The following CACNA2D1 variants were observed in gnomAD, a reference collection of about 807,000 sequenced individuals.
CACNA2D1 encodes voltage-dependent calcium channel subunit alpha-2/delta-1.
CACNA2D1 carries 53 observed loss-of-function variants against 171.5 expected under a neutral mutation model. The ratio of observed to expected loss-of-function variants is 0.31; its 90% CI spans 0.25 to 0.39. The LOEUF is 0.39. Ranked by LOEUF, CACNA2D1 falls within the 10% of genes least tolerant of loss-of-function variation. The pLI is 1.00. For missense variants in CACNA2D1, 903 were observed against 1,299.8 expected (o/e 0.69, Z 4.69); for synonymous variants, 442 against 443.1 (o/e 1.00, Z 0.03).
intron 3 of CACNA2D1, among the ~76,000 whole-genome samples, chr7:82,180,563 C>A (rs946166824): frequency 2.0e-5 from 3 of 152,014 alleles, no homozygotes; most frequent in Non-Finnish European, 2.9e-5. Flanking sequence ...TTTGTTGTTA[C>A]GGTTTCTAAT....
At chr7:82,202,215 C>G (rs529444795) in intron 3 of CACNA2D1, among the ~76,000 whole-genome samples, 1 of 152,310 alleles carries the variant, frequency 6.6e-6, no homozygotes, top group African/African-American at 2.4e-5. Flanking sequence ...TGCACCCAGG[C>G]GCGTACCCAT....
chr7:82,124,200 T>C (rs187690741), intron 5 of CACNA2D1, among the ~76,000 whole-genome samples: 6 of 152,142 alleles, frequency 3.9e-5, no homozygotes, highest in African/African-American at 1.2e-4. Flanking sequence ...GAGAATAGGG[T>C]TTAGAGGCAG....
intron 3 of CACNA2D1, among the ~76,000 whole-genome samples, chr7:82,219,535 T>A (rs1187599188): frequency 6.6e-6 from 1 of 152,100 alleles, no homozygotes; most frequent in Non-Finnish European, 1.5e-5. Context: ...TATTTATTTA[T>A]AAACAAAGAA....
chr7:82,357,481 G>A (rs1820559225), intron 1 of CACNA2D1, among the ~76,000 whole-genome samples: 1 of 152,094 alleles, frequency 6.6e-6, no homozygotes, highest in African/African-American at 2.4e-5. Context: ...GCTAAGAATT[G>A]TTATAATAGG....
intron 1 of CACNA2D1, among the ~76,000 whole-genome samples, chr7:82,365,189 T>C (rs1821545069): frequency 6.6e-6 from 1 of 152,170 alleles, no homozygotes; most frequent in Non-Finnish European, 1.5e-5. Context: ...AAAAAGGATG[T>C]GGGGTTTCCC....
At position 81,952,027 on chromosome 7, in the gene CACNA2D1, T is replaced by C. The variant is rs1251222375; in HGVS notation, c.3160-1519A>G. 2.1e-5 allele frequency among the ~76,000 whole-genome samples: 3 copies of C among 146,044 alleles called. No homozygotes were observed. The East Asian group carries it at 6.3e-4, about 31-fold the overall frequency. On this transcript the variant is annotated intron_variant, in intron 38 of 38. Transcript: ENST00000356860. ...ATTATTTTTTTATTATGGCCATTAG[T>C]GCAGGAGTAAGGTGGTATCACATTG...
At chr7:82,197,199 TG>T (rs1798939483) in intron 3 of CACNA2D1, among the ~76,000 whole-genome samples, 1 of 151,954 alleles carries the variant, frequency 6.6e-6, no homozygotes, top group Non-Finnish European at 1.5e-5. Flanking sequence ...TTAGGAACAT[TG>T]TTATTGTGAC....
intron 6 of CACNA2D1, among the ~76,000 whole-genome samples, chr7:82,111,888 A>C (rs2129049249): frequency 6.6e-6 from 1 of 152,226 alleles, no homozygotes; most frequent in African/African-American, 2.4e-5. Flanking sequence ...TTACTTTCTA[A>C]CATATTGTTT....
chr7:82,329,756 T>C (rs531895538), intron 3 of CACNA2D1, among the ~76,000 whole-genome samples: 66 of 152,200 alleles, frequency 4.3e-4, no homozygotes, highest in African/African-American at 1.4e-3. Flanking sequence ...TCCTGAGATA[T>C]AGACGTAGCA....
chr7:82,030,849 A>C (rs1045930095), intron 12 of CACNA2D1, among the ~76,000 whole-genome samples: 3 of 151,958 alleles, frequency 2.0e-5, no homozygotes, highest in African/African-American at 7.2e-5. Context: ...TTATATTAAT[A>C]GAATTGAATT....
At chr7:82,186,910 T>G (rs1797842621) in intron 3 of CACNA2D1, among the ~76,000 whole-genome samples, 1 of 152,086 alleles carries the variant, frequency 6.6e-6, no homozygotes, top group South Asian at 2.1e-4. Flanking sequence ...ACGATAACAA[T>G]GTAAAATATT....
At chr7:82,153,292 T>C (rs1442829191) in intron 4 of CACNA2D1, among the ~76,000 whole-genome samples, 3 of 151,888 alleles carry the variant, frequency 2.0e-5, no homozygotes, top group East Asian at 1.9e-4. Flanking sequence ...GAATTAAAAC[T>C]GAGATAAAAA....
chr7:82,335,942 C>A (rs1455223850), intron 2 of CACNA2D1, among the ~76,000 whole-genome samples: 1 of 152,056 alleles, frequency 6.6e-6, no homozygotes, highest in Non-Finnish European at 1.5e-5. Context: ...GGAAGGATTT[C>A]CCCAGAGTGG....
At chr7:82,108,509 T>C (rs1351436692) in intron 6 of CACNA2D1, among the ~76,000 whole-genome samples, 2 of 152,082 alleles carry the variant, frequency 1.3e-5, no homozygotes, top group African/African-American at 4.8e-5. Context: ...CTTCAACATA[T>C]AAATTGGGGA....
chr7:81,957,631 G>A (rs141480939), intron 38 of CACNA2D1, among the ~76,000 whole-genome samples: 20 of 152,176 alleles, frequency 1.3e-4, no homozygotes, highest in Non-Finnish European at 2.6e-4. Context: ...CATGCAATTT[G>A]CTGGCAGTTA....
intron 3 of CACNA2D1, among the ~76,000 whole-genome samples, chr7:82,190,474 T>A (rs1268838333): frequency 2.0e-5 from 3 of 151,818 alleles, no homozygotes; most frequent in African/African-American, 7.2e-5. Flanking sequence ...TCAGCTTCAT[T>A]AACTTTCCTC....
chr7:82,207,911 T>C (rs1397901407), intron 3 of CACNA2D1, among the ~76,000 whole-genome samples: 2 of 152,212 alleles, frequency 1.3e-5, no homozygotes, highest in Non-Finnish European at 2.9e-5. Flanking sequence ...ATAGAGGGTA[T>C]ACAAAACCCT....
chr7:81,965,516 C>T, intron 32 of CACNA2D1, 78 bp downstream of exon 32: 1 of 811,280 alleles, frequency 1.2e-6, no homozygotes. Context: ...ATTTCTAAAA[C>T]ACTGAAAGAG....
intron 10 of CACNA2D1, among the ~76,000 whole-genome samples, chr7:82,057,602 C>A (rs1806088705): frequency 6.6e-6 from 1 of 151,860 alleles, no homozygotes; most frequent in Non-Finnish European, 1.5e-5. Flanking sequence ...TGGCAGGGTT[C>A]CAGTTGACAA....
Sources: allele counts gnomAD v4.1 joint callset (sites outside exome capture counted in the v4.1 genomes callset), GRCh38; gene constraint gnomAD v4.1.1; transcripts MANE v1.5; gene names NCBI Gene and HGNC (gene_info 2026-07-23, HGNC 2026-07-21).